ALK: variants seen among roughly 807,000 people sequenced by gnomAD.
ALK encodes the protein ALK tyrosine kinase receptor.
ALK carries 74 observed loss-of-function variants against 163.1 expected under a neutral mutation model. The observed-to-expected ratio is 0.45, with a 90% CI of 0.38 to 0.55. The LOEUF (loss-of-function observed/expected upper bound fraction) is 0.55, where lower values mean the gene tolerates loss of function less well. ALK is among the 20% of genes least tolerant of loss of function. The pLI is 0.00. For missense variants in ALK, 2,063 were observed against 2,105.3 expected (o/e 0.98, Z 0.39); for synonymous variants, 960 against 843.2 (o/e 1.14, Z -2.40).
intron 3 of ALK, among the ~76,000 whole-genome samples, chr2:29,600,014 G>A (rs138737195): frequency 8.5e-5 from 13 of 152,214 alleles, no homozygotes; most frequent in East Asian, 1.9e-4. Flanking sequence ...TGCTACTCAC[G>A]TGACACAAGG....
At chr2:29,849,425 G>C (rs766507064) in intron 1 of ALK, among the ~76,000 whole-genome samples, 3 of 152,184 alleles carry the variant, frequency 2.0e-5, no homozygotes, top group Admixed American at 6.5e-5. Flanking sequence ...AGAATTACAG[G>C]AGGCAGGAGG....
At chr2:29,354,662 C>T (rs1400958758) in intron 5 of ALK, among the ~76,000 whole-genome samples, 1 of 152,124 alleles carries the variant, frequency 6.6e-6, no homozygotes, top group Non-Finnish European at 1.5e-5. Context: ...GATGCTCTCA[C>T]CTCTTTTGAG....
chr2:29,365,590 C>T (rs1455490856), intron 5 of ALK, among the ~76,000 whole-genome samples: 1 of 152,206 alleles, frequency 6.6e-6, no homozygotes, highest in Admixed American at 6.5e-5. Flanking sequence ...TGCATCCTGT[C>T]TTCAGTCATC....
intron 1 of ALK, among the ~76,000 whole-genome samples, chr2:29,851,261 A>T (rs1032790617): frequency 6.6e-6 from 1 of 152,222 alleles, no homozygotes; most frequent in Non-Finnish European, 1.5e-5. Context: ...AATTGACCAG[A>T]GCATAAACTG....
chr2:29,508,754 A>G (rs918965355), intron 4 of ALK, among the ~76,000 whole-genome samples: 29 of 130,912 alleles, frequency 2.2e-4, no homozygotes, highest in Admixed American at 5.3e-4. Flanking sequence ...AAAAAAAAAA[A>G]AAAAGAAATC....
At chr2:29,807,826 A>G (rs1324467490) in intron 1 of ALK, among the ~76,000 whole-genome samples, 4 of 152,248 alleles carry the variant, frequency 2.6e-5, no homozygotes, top group African/African-American at 9.6e-5. Flanking sequence ...AATGCTTTCC[A>G]TAACACAGGC....
chr2:29,876,816 A>C (rs545929905), intron 1 of ALK, among the ~76,000 whole-genome samples: 1 of 151,762 alleles, frequency 6.6e-6, no homozygotes, highest in East Asian at 1.9e-4. Flanking sequence ...GTTGGGGATG[A>C]TAATGAAGGT....
intron 9 of ALK, among the ~76,000 whole-genome samples, chr2:29,288,993 A>AATAC (rs1304099965): frequency 2.0e-5 from 3 of 150,184 alleles, no homozygotes; most frequent in African/African-American, 7.3e-5. Flanking sequence ...TAAATAAATA[A>AATAC]ATAAATAAAA....
At chr2:29,293,844 TCCA>T (rs1666104649) in intron 9 of ALK, among the ~76,000 whole-genome samples, 1 of 152,054 alleles carries the variant, frequency 6.6e-6, no homozygotes, top group African/African-American at 2.4e-5. Flanking sequence ...TGGTCAGATT[TCCA>T]ATACCGTTGA....
At chr2:29,897,309 C>G (rs572404684) in intron 1 of ALK, among the ~76,000 whole-genome samples, 1 of 151,074 alleles carries the variant, frequency 6.6e-6, no homozygotes, top group East Asian at 1.9e-4. Context: ...CCACTGTACT[C>G]CAGCCTGGAC....
chr2:29,784,256 T>A (rs1437852085), intron 1 of ALK, among the ~76,000 whole-genome samples: 2 of 152,224 alleles, frequency 1.3e-5, no homozygotes, highest in African/African-American at 4.8e-5. Context: ...GGAACTTTAG[T>A]GCTAATAAAC....
chr2:29,276,618 G>T (rs1368056496), intron 9 of ALK, among the ~76,000 whole-genome samples: 1 of 152,174 alleles, frequency 6.6e-6, no homozygotes, highest in African/African-American at 2.4e-5. Flanking sequence ...AACTCCATAT[G>T]GTACAGCCAT....
intron 7 of ALK, among the ~76,000 whole-genome samples, chr2:29,319,951 C>T (rs1261281196): frequency 6.6e-6 from 1 of 152,250 alleles, no homozygotes; most frequent in East Asian, 1.9e-4. Flanking sequence ...CTTCCCACCC[C>T]ATCAGCCCTA....
At chr2:29,526,824 T>C (rs1192206003) in intron 4 of ALK, among the ~76,000 whole-genome samples, 2 of 152,178 alleles carry the variant, frequency 1.3e-5, no homozygotes, top group African/African-American at 4.8e-5. Flanking sequence ...GGAAAAGCAA[T>C]CAGGTCCCTT....
chr2:29,921,141 C>A lies in ALK; in HGVS notation c.-482G>T, dbSNP rs574996566. 1.1e-4 allele frequency: 27 copies of A among 238,844 alleles called. No homozygotes were observed. The highest frequency in any genetic ancestry group is 5.7e-4 in the African/African-American group (26 of 45,602). The allele number at this position is 238,844 out of a possible 1,614,324, so 14.8% of individuals were successfully genotyped here. A position where few individuals can be genotyped will look rare whatever the true frequency, so the allele number is the denominator to read the frequency against. On this transcript the variant is annotated 5_prime_UTR_variant, in exon 1 of 29. Coordinates refer to ENST00000389048, the MANE Select transcript of ALK (RefSeq NM_004304.5). ...CCCAGCTGCTGCACGCTGTCCTGGC[C>A]GCCTTTTGCGTTCCTTTTGGCTCCT...
chr2:29,329,631 A>T (rs1330435405), intron 5 of ALK, among the ~76,000 whole-genome samples: 1 of 152,170 alleles, frequency 6.6e-6, no homozygotes, highest in African/African-American at 2.4e-5. Context: ...TGAGCCTCAC[A>T]TGGGGGTGGG....
chr2:29,891,018 T>G (rs926629084), intron 1 of ALK: 16 of 152,234 alleles, frequency 1.1e-4, no homozygotes, highest in African/African-American at 3.9e-4. Context: ...CGGTGTTCTC[T>G]ATCTATAAAA....
At chr2:29,526,735 C>T (rs1181278195) in intron 4 of ALK, among the ~76,000 whole-genome samples, 1 of 152,206 alleles carries the variant, frequency 6.6e-6, no homozygotes, top group Non-Finnish European at 1.5e-5. Context: ...AGGCTGAATG[C>T]CACAGGCTCT....
intron 23 of ALK, among the ~76,000 whole-genome samples, chr2:29,218,209 G>C (rs933550989): frequency 6.6e-6 from 1 of 152,200 alleles, no homozygotes; most frequent in South Asian, 2.1e-4. Flanking sequence ...ACCATGACTG[G>C]GGTGCTGCCT....
Sources: allele counts gnomAD v4.1 joint callset (sites outside exome capture counted in the v4.1 genomes callset), GRCh38; gene constraint gnomAD v4.1.1; transcripts MANE v1.5; gene names NCBI Gene and HGNC (gene_info 2026-07-23, HGNC 2026-07-21).